Variants in ATP8B4 observed in about 807,000 individuals in gnomAD.
ATP8B4 encodes the protein probable phospholipid-transporting ATPase IM.
A neutral mutation model predicts 145.6 loss-of-function variants in ATP8B4; 133 were observed. That is an observed-to-expected ratio of 0.91 (90% CI 0.79 to 1.05). The LOEUF (loss-of-function observed/expected upper bound fraction) is 1.05, where lower values mean the gene tolerates loss of function less well. Ranked by LOEUF, ATP8B4 falls within the 50% of genes least tolerant of loss-of-function variation. The pLI, the probability that ATP8B4 is intolerant of heterozygous loss-of-function variation, is 0.00. For missense variants in ATP8B4, 1,458 were observed against 1,425.2 expected (o/e 1.02, Z -0.37); for synonymous variants, 507 against 492.9 (o/e 1.03, Z -0.38).
chr15:49,965,578 A>G (rs1202213951), intron 13 of ATP8B4, among the ~76,000 whole-genome samples: 1 of 152,338 alleles, frequency 6.6e-6, no homozygotes, highest in Non-Finnish European at 1.5e-5. Flanking sequence ...TAGAGCATGT[A>G]TTCTGATAAA....
At chr15:50,048,243 A>C (rs1165365493) in intron 3 of ATP8B4, among the ~76,000 whole-genome samples, 3 of 152,006 alleles carry the variant, frequency 2.0e-5, no homozygotes, top group Non-Finnish European at 4.4e-5. Flanking sequence ...CAAAATTTGC[A>C]TATTAATGCC....
In ATP8B4 at chr15:50,004,015, C is replaced by G. The variant is rs2048114277; in HGVS notation, c.436-1792G>C. On this transcript the variant is annotated intron_variant, in intron 7 of 27. Transcript: ENST00000284509. ...TCTTGCTCACTGTACTCTCCAGGACCAAGACGCCTACCTTCCCCACCTCCG... is the reference window on the plus strand; with the variant it reads ...TCTTGCTCACTGTACTCTCCAGGACGAAGACGCCTACCTTCCCCACCTCCG... Among the ~76,000 whole-genome samples the G allele has an allele frequency of 2.0e-5, 3 of 152,166 alleles. No homozygotes were observed. The South Asian group carries it at 6.2e-4, about 32-fold the overall frequency.
intron 20 of ATP8B4, among the ~76,000 whole-genome samples, chr15:49,908,987 G>A (rs545875030): frequency 6.6e-6 from 1 of 152,250 alleles, no homozygotes; most frequent in South Asian, 2.1e-4. Flanking sequence ...CACGGCCAGA[G>A]TGCAGCTACT....
At chr15:49,974,519 C>T (rs542875995) in intron 12 of ATP8B4, among the ~76,000 whole-genome samples, 34 of 152,038 alleles carry the variant, frequency 2.2e-4, no homozygotes, top group Middle Eastern at 6.8e-3. Flanking sequence ...ACCACCACAG[C>T]TGGCTGATTG....
At chr15:50,162,198 G>C (rs1312904855) in intron 1 of ATP8B4, among the ~76,000 whole-genome samples, 1 of 151,808 alleles carries the variant, frequency 6.6e-6, no homozygotes, top group Non-Finnish European at 1.5e-5. Context: ...CTGCTTTTAG[G>C]ATCCTTTCTT....
intron 16 of ATP8B4, among the ~76,000 whole-genome samples, chr15:49,928,768 AT>A (rs571493065): frequency 7.9e-5 from 12 of 152,244 alleles, no homozygotes; most frequent in African/African-American, 2.9e-4. Flanking sequence ...TTTAATAAAT[AT>A]TATTCTGATG....
At chr15:50,113,024 A>G (rs2057025068) in intron 1 of ATP8B4, among the ~76,000 whole-genome samples, 1 of 152,090 alleles carries the variant, frequency 6.6e-6, no homozygotes, top group Non-Finnish European at 1.5e-5. Flanking sequence ...TGACAGGAGG[A>G]AGGAACAAGC....
intron 12 of ATP8B4, among the ~76,000 whole-genome samples, chr15:49,977,871 T>A (rs2045809607): frequency 6.6e-6 from 1 of 152,148 alleles, no homozygotes; most frequent in Non-Finnish European, 1.5e-5. Context: ...CCTTATTTTA[T>A]GGGGAAGTAC....
chr15:50,141,033 C>T (rs902479759), intron 1 of ATP8B4, among the ~76,000 whole-genome samples: 8 of 152,086 alleles, frequency 5.3e-5, no homozygotes, highest in Non-Finnish European at 7.4e-5. Flanking sequence ...GGTCAGAGAT[C>T]CCCACCCCAA....
intron 6 of ATP8B4, among the ~76,000 whole-genome samples, chr15:50,018,586 C>T (rs1442390593): frequency 8.5e-5 from 13 of 152,154 alleles, no homozygotes; most frequent in Admixed American, 8.5e-4. Flanking sequence ...AGAATGACCT[C>T]AGTGTTAGAT....
At chr15:49,950,084 G>A (rs1006695297) in intron 14 of ATP8B4, among the ~76,000 whole-genome samples, 1 of 152,094 alleles carries the variant, frequency 6.6e-6, no homozygotes, top group African/African-American at 2.4e-5. Flanking sequence ...GAAGATTTTT[G>A]CATCGATATT....
At position 49,883,753 on chromosome 15, in the gene ATP8B4, C is replaced by A. The variant is rs930025753; in HGVS notation, c.2698-4294G>T. On this transcript the variant is annotated intron_variant, in intron 23 of 27. Coordinates refer to ENST00000284509, the MANE Select transcript of ATP8B4 (RefSeq NM_024837.4). ...AAACATCTCATGTACCCAATAAATA[C>A]ATATACCTACTATGTACCCACAATT... 9.8e-4 allele frequency among the ~76,000 whole-genome samples: 149 copies of A among 151,800 alleles called. 1 individual carries two copies. Among genetic ancestry groups the A allele is most frequent in the African/African-American group, 3.6e-3 (147 of 41,270 alleles).
At position 49,920,263 on chromosome 15, in the gene ATP8B4, T is replaced by C. The variant is rs780903881; in HGVS notation, c.1906A>G (p.Ile636Val). The change falls in exon 18 of 28, where the codon ATT becomes GTT. Residue 636 changes from isoleucine to valine, a missense_variant. Ile to Val is a conservative substitution (Grantham distance 29, BLOSUM62 3). Coordinates refer to ENST00000284509, the MANE Select transcript of ATP8B4 (RefSeq NM_024837.4). ...ACTCATACCATCAAATCTCTTTCAA[T>C]TTCTTCATATAGCCCAGCTATTCGT... ...DERIAGLYEEIERDLMLLGAT... is the reference protein window; with the variant it reads ...DERIAGLYEEVERDLMLLGAT... 3 of 1,614,138 alleles carry C rather than the reference T, an allele frequency of 1.9e-6. No homozygotes were observed. The highest frequency in any genetic ancestry group is 2.2e-5 in the South Asian group (2 of 91,056).
chr15:50,084,656 A>G lies in ATP8B4; in HGVS notation c.29-10471T>C, dbSNP rs569971546. Among the ~76,000 whole-genome samples the G allele has an allele frequency of 5.3e-5, 8 of 152,306 alleles. No homozygotes were observed. The South Asian group carries it at 1.5e-3, about 28-fold the overall frequency. ...TACAGTTCTGAAAGTCAGCAGTCTGAAAAAGGTCTTACAGGGCTAAAATTA... is the reference window on the plus strand; with the variant it reads ...TACAGTTCTGAAAGTCAGCAGTCTGGAAAAGGTCTTACAGGGCTAAAATTA... On this transcript the variant is annotated intron_variant, in intron 2 of 27. Coordinates refer to ENST00000284509, the MANE Select transcript of ATP8B4 (RefSeq NM_024837.4).
intron 22 of ATP8B4, 70 bp downstream of exon 22, chr15:49,897,998 T>C: frequency 1.3e-6 from 2 of 1,533,938 alleles, no homozygotes; most frequent in Non-Finnish European, 9.0e-7. Flanking sequence ...CTAGTGATTA[T>C]ATATTGCCAA....
chr15:50,073,188 A>G (rs2153635234), intron 3 of ATP8B4, among the ~76,000 whole-genome samples: 1 of 151,404 alleles, frequency 6.6e-6, no homozygotes, highest in Non-Finnish European at 1.5e-5. Context: ...TGCACCCATC[A>G]GCCCGTCATC....
chr15:49,956,711 G>A (rs1416286878), intron 14 of ATP8B4, among the ~76,000 whole-genome samples: 2 of 152,004 alleles, frequency 1.3e-5, no homozygotes, highest in East Asian at 3.9e-4. Context: ...CTAGCTAATT[G>A]GTTTTTTTTG....
chr15:50,046,446 C>G (rs2051728530), intron 4 of ATP8B4, among the ~76,000 whole-genome samples: 1 of 152,162 alleles, frequency 6.6e-6, no homozygotes, highest in African/African-American at 2.4e-5. Context: ...GAAGCCACAT[C>G]CTGATGAAAT....
chr15:50,086,362 T>A (rs183611737), intron 2 of ATP8B4, among the ~76,000 whole-genome samples: 3,056 of 35,662 alleles, frequency 0.086, 994 homozygotes, highest in African/African-American at 0.33. Flanking sequence ...GATCTATATT[T>A]ATTATATATA....
Sources: gnomAD v4.1 joint callset for allele counts (sites outside exome capture counted in the v4.1 genomes callset) on GRCh38, gnomAD v4.1.1 for gene constraint, MANE v1.5 for transcripts, NCBI Gene and HGNC (gene_info 2026-07-23, HGNC 2026-07-21) for gene names.